The following PICALM variants were observed in gnomAD, a reference collection of about 807,000 sequenced individuals.
PICALM encodes the protein phosphatidylinositol-binding clathrin assembly protein.
PICALM carries 40 observed loss-of-function variants against 80.5 expected under a neutral mutation model. The ratio of observed to expected loss-of-function variants is 0.50; its 90% CI spans 0.39 to 0.65. The LOEUF (loss-of-function observed/expected upper bound fraction) is 0.65, where lower values mean the gene tolerates loss of function less well. PICALM is among the 30% of genes least tolerant of loss of function. The pLI, the probability that PICALM is intolerant of heterozygous loss-of-function variation, is 0.00. For missense variants in PICALM, 676 were observed against 778.9 expected (o/e 0.87, Z 1.57); for synonymous variants, 288 against 260.3 (o/e 1.11, Z -1.02).
chr11:86,014,403 T>C (rs892323048), intron 5 of PICALM, among the ~76,000 whole-genome samples: 1 of 152,176 alleles, frequency 6.6e-6, no homozygotes, highest in East Asian at 1.9e-4. Flanking sequence ...TCATGGTCAT[T>C]AAAACAAAAA....
intron 13 of PICALM, among the ~76,000 whole-genome samples, chr11:85,987,898 G>C (rs1436983619): frequency 6.6e-6 from 1 of 152,246 alleles, no homozygotes; most frequent in Non-Finnish European, 1.5e-5. Context: ...AACTTGCATA[G>C]CCTTAAAAAG....
chr11:86,054,418 C>T lies in PICALM; in HGVS notation c.130+14233G>A, dbSNP rs111420673. Among the ~76,000 whole-genome samples, 1,498 of 152,282 alleles carry T rather than the reference C, an allele frequency of 9.8e-3. 31 individuals carry two copies. Among genetic ancestry groups the T allele is most frequent in the African/African-American group, 0.034 (1,424 of 41,544 alleles). On this transcript the variant is annotated intron_variant, in intron 1 of 19. Transcript: ENST00000393346. The stretch of plus-strand genomic sequence containing the variant: ...TGGCACTGAAGAGCCCAGAGTTTAT[C>T]AAGACAAGTCCTGCTCCTTTAAGAG...
intron 4 of PICALM, among the ~76,000 whole-genome samples, chr11:86,017,143 A>C (rs1461218948): frequency 1.3e-5 from 2 of 151,820 alleles, no homozygotes; most frequent in African/African-American, 4.8e-5. Flanking sequence ...GAATCGCTTG[A>C]ATCTGGAAGG....
intron 2 of PICALM, 34 bp from the exon 3 acceptor site, chr11:86,026,401 T>C (rs773218750): frequency 3.1e-6 from 4 of 1,287,370 alleles, no homozygotes; most frequent in Non-Finnish European, 4.5e-6. Context: ...ATTAAGGTAC[T>C]GCCATCTCAC....
At chr11:86,061,302 G>A (rs1303450025) in intron 1 of PICALM, among the ~76,000 whole-genome samples, 1 of 127,094 alleles carries the variant, frequency 7.9e-6, no homozygotes, top group Admixed American at 9.6e-5. Flanking sequence ...TTGCACTCCA[G>A]CCCGGGAGAC....
At chr11:85,974,938 T>C in intron 18 of PICALM, 126 bp from the exon 19 acceptor site, 1 of 680,316 alleles carries the variant, frequency 1.5e-6, no homozygotes, top group Non-Finnish European at 2.7e-6. Context: ...TAACTTCCTC[T>C]GAATATAAGT....
At chr11:86,009,460 G>A (rs2095351684) in intron 7 of PICALM, among the ~76,000 whole-genome samples, 1 of 152,164 alleles carries the variant, frequency 6.6e-6, no homozygotes, top group African/African-American at 2.4e-5. Flanking sequence ...GGGAGGCCCA[G>A]GCGGGCAGAT....
chr11:85,975,592 CTTTTTTTTT>C (rs11407535), intron 18 of PICALM, among the ~76,000 whole-genome samples: 3 of 89,642 alleles, frequency 3.3e-5, no homozygotes, highest in African/African-American at 9.0e-5. Flanking sequence ...TCTCAGCAGA[CTTTTTTTTT>C]TTTTTTTTTT....
chr11:85,975,761 T>TA (rs1169260282), intron 18 of PICALM, among the ~76,000 whole-genome samples: 5 of 152,000 alleles, frequency 3.3e-5, no homozygotes, highest in Non-Finnish European at 7.4e-5. Flanking sequence ...CATACCCAGC[T>TA]AATTTTTGTA....
intron 8 of PICALM, among the ~76,000 whole-genome samples, chr11:86,006,251 A>G (rs2095274204): frequency 6.6e-6 from 1 of 152,214 alleles, no homozygotes; most frequent in African/African-American, 2.4e-5. Flanking sequence ...CATATAACCC[A>G]TGACTAGATT....
chr11:85,983,650 C>G (rs1421523751), intron 14 of PICALM, among the ~76,000 whole-genome samples: 4 of 152,112 alleles, frequency 2.6e-5, no homozygotes, highest in Non-Finnish European at 5.9e-5. Context: ...TGCTCTAGGA[C>G]TAACTCACTC....
In PICALM at chr11:86,022,472, G is replaced by A. The variant is rs1430750122; in HGVS notation, c.350-3C>T. 1.4e-6 allele frequency: 2 copies of A among 1,418,402 alleles called. No homozygotes were observed. The highest frequency in any genetic ancestry group is 1.5e-5 in the African/African-American group (1 of 67,910). 87.9% of individuals were successfully genotyped at this position (1,418,402 alleles called of 1,614,324 possible). A position where few individuals can be genotyped will look rare whatever the true frequency, so the allele number is the denominator to read the frequency against. On this transcript the variant is annotated splice_polypyrimidine_tract_variant and splice_region_variant and intron_variant, in intron 3 of 19. Transcript: ENST00000393346. ...AATAAATGTAGACATGTCATATCCT[G>A]TAAAAAAACAAAAACAAAAACAAAA...
rs1179110814 is a variant in PICALM, at chr11:85,981,162, A to G, written c.1746T>C (p.Val582=). 1 of 1,607,736 alleles carries G rather than the reference A, an allele frequency of 6.2e-7. No homozygotes were observed. Among genetic ancestry groups the G allele is most frequent in the Non-Finnish European group, 8.5e-7 (1 of 1,174,320 alleles). The change falls in exon 17 of 20, where the codon GTT becomes GTC. Residue 582 remains valine (V), a synonymous_variant. Coordinates refer to ENST00000393346, the MANE Select transcript of PICALM (RefSeq NM_007166.4). ...LTGGSNWQPK[V]APTTAWNAAT... is the part of the protein sequence containing the mutation. ...CAGCATTCCAAGCGGTTGTTGGTGC[A>G]ACCTTTGGTTGCCAGTTAGATCCCC...
intron 2 of PICALM, among the ~76,000 whole-genome samples, chr11:86,029,866 A>G (rs796124595): frequency 1.3e-5 from 2 of 152,228 alleles, no homozygotes; most frequent in Non-Finnish European, 2.9e-5. Context: ...AAACATTTCT[A>G]TTAGCTCTAT....
At chr11:85,976,576 T>C in intron 18 of PICALM, 47 bp downstream of exon 18, 2 of 1,103,584 alleles carry the variant, frequency 1.8e-6, no homozygotes, top group Middle Eastern at 2.0e-4. Flanking sequence ...ACATGTTATA[T>C]ATGAATCAAT....
intron 1 of PICALM, among the ~76,000 whole-genome samples, chr11:86,036,560 T>C (rs541261966): frequency 1.3e-5 from 2 of 152,256 alleles, no homozygotes; most frequent in Admixed American, 1.3e-4. Context: ...ATGACAAAGA[T>C]TGACAAAAAT....
intron 1 of PICALM, among the ~76,000 whole-genome samples, chr11:86,046,242 T>C (rs1219016781): frequency 6.6e-6 from 1 of 152,174 alleles, no homozygotes; most frequent in African/African-American, 2.4e-5. Flanking sequence ...TCCATTTCCA[T>C]GTGCTACAAC....
chr11:85,975,052 C>G (rs1326011783), intron 18 of PICALM, among the ~76,000 whole-genome samples: 1 of 152,066 alleles, frequency 6.6e-6, no homozygotes, highest in Non-Finnish European at 1.5e-5. Flanking sequence ...CTAACTTTTT[C>G]TATTCAATGA....
Position 86,015,092 on chromosome 11 carries a change from T to C in PICALM, c.453-129A>G, listed in dbSNP as rs1267111194. The C allele has an allele frequency of 5.0e-6, 3 of 605,996 alleles. No individual in the cohort carries two copies. The African/African-American group carries it at 5.9e-5, about 12-fold the overall frequency. 37.5% of individuals were successfully genotyped at this position (605,996 alleles called of 1,614,324 possible). A position where few individuals can be genotyped will look rare whatever the true frequency, so the allele number is the denominator to read the frequency against. On this transcript the variant is annotated intron_variant, in intron 4 of 19. Coordinates refer to ENST00000393346, the MANE Select transcript of PICALM (RefSeq NM_007166.4). ...TGAAATGTCACATATTTTTAAGTCA[T>C]TATGGAACATGAAAACTGAAGCAGA...
Sources: allele counts gnomAD v4.1 joint callset (sites outside exome capture counted in the v4.1 genomes callset), GRCh38; gene constraint gnomAD v4.1.1; transcripts MANE v1.5; gene names NCBI Gene and HGNC (gene_info 2026-07-23, HGNC 2026-07-21).